The following OAS2 variants were observed in gnomAD, a reference collection of about 807,000 sequenced individuals.
The protein encoded by OAS2 is 2'-5'-oligoadenylate synthase 2.
A neutral mutation model predicts 71.3 loss-of-function variants in OAS2; 67 were observed. The observed-to-expected ratio is 0.94, with a 90% CI of 0.77 to 1.15. The LOEUF (loss-of-function observed/expected upper bound fraction) is 1.15, where lower values mean the gene tolerates loss of function less well. Among genes scored for constraint, OAS2 ranks in the 50% most tolerant of loss-of-function variants. The pLI, the probability that OAS2 is intolerant of heterozygous loss-of-function variation, is 0.00. For synonymous variants in OAS2, 327 were observed against 321.8 expected (o/e 1.02, Z -0.17); for missense variants, 789 against 822.5 (o/e 0.96, Z 0.50).
chr12:112,982,405 T>C (rs1306363944), intron 1 of OAS2, among the ~76,000 whole-genome samples: 1 of 152,216 alleles, frequency 6.6e-6, no homozygotes, highest in Non-Finnish European at 1.5e-5. Flanking sequence ...TACCAAATGT[T>C]CTTCTACATC....
chr12:113,003,784 G>A (rs1005271562), intron 6 of OAS2, among the ~76,000 whole-genome samples: 1 of 152,232 alleles, frequency 6.6e-6, no homozygotes, highest in East Asian at 1.9e-4. Context: ...CACAAGAAGG[G>A]AAGGAGGAAA....
rs192015439 is a variant in OAS2 at position 112,985,211 on chromosome 12, G to A, written c.178-1827G>A. Among the ~76,000 whole-genome samples the A allele has an allele frequency of 2.4e-3, 354 of 149,346 alleles. 2 individuals are homozygous for A. The highest frequency in any genetic ancestry group is 0.02 in the South Asian group (91 of 4,546). ...CTAAATCTCTTGTAAGACATGGGAC[G>A]TTTTCAGCTATTACTTCATTAAATA... is the stretch of plus-strand genomic sequence containing the variant. On this transcript the variant is annotated intron_variant, in intron 1 of 9. Coordinates refer to ENST00000392583, the MANE Select transcript of OAS2 (RefSeq NM_002535.3).
At chr12:112,995,195 G>C (rs112521547) in intron 2 of OAS2, 101 bp from the exon 3 acceptor site, 1 of 1,030,756 alleles carries the variant, frequency 9.7e-7, no homozygotes, top group African/African-American at 1.6e-5. Context: ...AGCAAGAGTC[G>C]TGTGCTATCA....
chr12:113,006,660 T>G, intron 8 of OAS2, 60 bp downstream of exon 8: 1 of 1,394,614 alleles, frequency 7.2e-7, no homozygotes. Flanking sequence ...GCCATGAACA[T>G]TAAGCCCTGT....
chr12:112,993,429 C>T (rs1163102223), intron 2 of OAS2, among the ~76,000 whole-genome samples: 3 of 152,232 alleles, frequency 2.0e-5, no homozygotes, highest in South Asian at 4.2e-4. Context: ...ACACCATAAA[C>T]GTTAGCTATT....
intron 6 of OAS2, 105 bp downstream of exon 6, chr12:113,003,207 A>G: frequency 8.1e-7 from 1 of 1,234,474 alleles, no homozygotes; most frequent in Non-Finnish European, 1.2e-6. Context: ...ATCTACCTTC[A>G]GAAACTTGAG....
At chr12:113,003,845 G>A (rs2044309452) in intron 6 of OAS2, among the ~76,000 whole-genome samples, 1 of 152,220 alleles carries the variant, frequency 6.6e-6, no homozygotes, top group Non-Finnish European at 1.5e-5. Context: ...ACAAATCTGT[G>A]CAACTAGAGA....
intron 1 of OAS2, among the ~76,000 whole-genome samples, chr12:112,984,578 T>C (rs1218275598): frequency 1.3e-5 from 2 of 152,240 alleles, no homozygotes; most frequent in Non-Finnish European, 2.9e-5. Context: ...AGGGTTGTTA[T>C]TGATAGGTAA....
In OAS2 at chr12:113,010,561, G is replaced by A; in HGVS notation, c.*1306G>A. Reference sequence around the variant, plus strand: ...ACTCACATCCATTCTTCCCTTGATGGTCCCTATTCCTCCTTCCCTTGCTTC... The same window carrying A: ...ACTCACATCCATTCTTCCCTTGATGATCCCTATTCCTCCTTCCCTTGCTTC... On this transcript the variant is annotated 3_prime_UTR_variant, in exon 10 of 10. Transcript: ENST00000392583. The A allele has an allele frequency of 1.3e-6, 2 of 1,565,684 alleles. No homozygotes were observed. The highest frequency in any genetic ancestry group is 1.7e-6 in the Non-Finnish European group (2 of 1,162,474).
At chr12:112,979,009 G>A (rs1593192290) in intron 1 of OAS2, among the ~76,000 whole-genome samples, 1 of 152,278 alleles carries the variant, frequency 6.6e-6, no homozygotes. Context: ...CTGTAAAATG[G>A]GGAGAGGCAT....
Position 112,987,234 on chromosome 12 carries a change from A to C in OAS2, c.374A>C (p.Asp125Ala). 1 of 1,614,192 alleles carries C rather than the reference A, an allele frequency of 6.2e-7. No homozygotes were observed. The highest frequency in any genetic ancestry group is 8.5e-7 in the Non-Finnish European group (1 of 1,180,034). Residue 125 changes from aspartate to alanine, a missense_variant, in exon 2 of 10, where the codon GAT (aspartate) becomes GCT (alanine). Physicochemically the swap from Asp to Ala is moderately radical, Grantham distance 126. Transcript: ENST00000392583. ...AATTTCGAGATCCAGAAGTCCCTTG[A>C]TGGGTTCACCATCCAGGTGTTCACA... ...KNNFEIQKSLDGFTIQVFTKN... is the reference protein window; with the variant it reads ...KNNFEIQKSLAGFTIQVFTKN...
At position 112,995,438 on chromosome 12, in the gene OAS2, G is replaced by A. The variant is rs1409817434; in HGVS notation, c.591G>A (p.Lys197=). The A allele has an allele frequency of 6.2e-7, 1 of 1,613,894 alleles. No individual in the cohort carries two copies. The highest frequency in any genetic ancestry group is 1.3e-5 in the African/African-American group (1 of 74,906). The stretch of plus-strand genomic sequence containing the variant: ...TTGACAACCGTCCTGGAAAACTAAA[G>A]GATTTGATCCTCTTGATAAAGCACT... ...KFFDNRPGKL[K]DLILLIKHWH... is the part of the protein sequence containing the mutation. Residue 197 remains lysine (K), a synonymous_variant, in exon 3 of 10, where the codon AAG becomes AAA. Transcript: ENST00000392583.
chr12:112,999,450 T>G (rs543680361), intron 5 of OAS2, among the ~76,000 whole-genome samples: 2 of 152,312 alleles, frequency 1.3e-5, no homozygotes, highest in East Asian at 3.9e-4. Flanking sequence ...ACAGATTAAT[T>G]TATATTCAAG....
At chr12:113,004,322 T>C (rs2044312383) in intron 6 of OAS2, among the ~76,000 whole-genome samples, 1 of 152,140 alleles carries the variant, frequency 6.6e-6, no homozygotes, top group Non-Finnish European at 1.5e-5. Flanking sequence ...AGGCATTTAA[T>C]ACCCATGGAT....
At chr12:112,991,708 G>T (rs2044194234) in intron 2 of OAS2, among the ~76,000 whole-genome samples, 1 of 152,192 alleles carries the variant, frequency 6.6e-6, no homozygotes, top group Non-Finnish European at 1.5e-5. Context: ...ATGGGAGGCA[G>T]GTTTGTCCTG....
Position 112,995,393 on chromosome 12 carries a change from T to C in OAS2, c.546T>C (p.Thr182=), listed in dbSNP as rs1272478978. The change falls in exon 3 of 10, where the codon ACT becomes ACC. Residue 182 remains threonine (T), a synonymous_variant. Coordinates refer to ENST00000392583, the MANE Select transcript of OAS2 (RefSeq NM_002535.3). The part of the protein sequence containing the change: ...ASPGEFAVCF[T]ELQQKFFDNR... ...CTGGTGAGTTTGCAGTCTGCTTCAC[T>C]GAACTCCAGCAGAAGTTTTTTGACA... The C allele has an allele frequency of 1.2e-6, 2 of 1,614,066 alleles. No individual in the cohort carries two copies. Among genetic ancestry groups the C allele is most frequent in the Non-Finnish European group, 1.7e-6 (2 of 1,180,006 alleles).
At chr12:112,982,528 A>T (rs1003317518) in intron 1 of OAS2, among the ~76,000 whole-genome samples, 2 of 152,178 alleles carry the variant, frequency 1.3e-5, no homozygotes, top group African/African-American at 4.8e-5. Flanking sequence ...GATAAATCCC[A>T]CTTGATCATG....
intron 2 of OAS2, among the ~76,000 whole-genome samples, chr12:112,994,139 G>A (rs1173813776): frequency 6.6e-6 from 1 of 152,128 alleles, no homozygotes; most frequent in Non-Finnish European, 1.5e-5. Context: ...ACAATGGGAT[G>A]TCAAATCCCT....
intron 6 of OAS2, among the ~76,000 whole-genome samples, chr12:113,004,419 C>T (rs2044313273): frequency 6.6e-6 from 1 of 152,162 alleles, no homozygotes; most frequent in Non-Finnish European, 1.5e-5. Flanking sequence ...GCCTTAATGG[C>T]AGAGACATAA....
Sources: allele counts gnomAD v4.1 joint callset (sites outside exome capture counted in the v4.1 genomes callset), GRCh38; gene constraint gnomAD v4.1.1; transcripts MANE v1.5; gene names NCBI Gene and HGNC (gene_info 2026-07-23, HGNC 2026-07-21).